The following PPCS variants were observed in gnomAD, a reference collection of about 807,000 sequenced individuals.
PPCS encodes the protein phosphopantothenoylcysteine synthetase.
In PPCS, 17 loss-of-function variants were observed where a neutral mutation model predicts 24.6. The ratio of observed to expected loss-of-function variants is 0.69; its 90% CI spans 0.47 to 1.04. The LOEUF (loss-of-function observed/expected upper bound fraction) is 1.04. Ranked by LOEUF, PPCS falls within the 50% of genes least tolerant of loss-of-function variation. PPCS has a pLI of 0.00. For missense variants in PPCS, 360 were observed against 402.8 expected (o/e 0.89, Z 0.91); for synonymous variants, 190 against 168.3 (o/e 1.13, Z -1.00).
downstream of PPCS, chr1:42,463,364 C>G (rs776534901): frequency 9.9e-5 from 15 of 152,202 alleles, no homozygotes; most frequent in Non-Finnish European, 1.9e-4. Context: ...GGGACGCTCG[C>G]GGCACCCTCC....
At chr1:42,471,877 AAT>A (rs939077020) in intron 2 of PPCS, among the ~76,000 whole-genome samples, 2 of 134,864 alleles carry the variant, frequency 1.5e-5, no homozygotes, top group Non-Finnish European at 3.2e-5. Context: ...AAATAATAAA[AAT>A]ATGGTTTTGC....
intron 2 of PPCS, among the ~76,000 whole-genome samples, chr1:42,457,893 T>C (rs1017589834): frequency 1.3e-5 from 2 of 148,872 alleles, no homozygotes; most frequent in African/African-American, 5.0e-5. Flanking sequence ...AGGCGGAGGT[T>C]GCAGTGAGCT....
At chr1:42,465,725 C>T (rs2148430607), downstream of PPCS, among the ~76,000 whole-genome samples, 1 of 152,242 alleles carries the variant, frequency 6.6e-6, no homozygotes, top group South Asian at 2.1e-4. Context: ...AGACATTTGG[C>T]AATGTACGTA....
downstream of PPCS, chr1:42,463,203 A>G (rs1643458537): frequency 6.6e-6 from 1 of 152,256 alleles, no homozygotes; most frequent in South Asian, 2.1e-4. Flanking sequence ...CACAAGAACC[A>G]CAGTCTCTGG....
intron 2 of PPCS, chr1:42,457,598 C>A: frequency 2.0e-6 from 1 of 506,898 alleles, no homozygotes; most frequent in Admixed American, 3.4e-5. Context: ...GATCATGGGG[C>A]GAGTGAATCC....
chr1:42,464,942 G>A (rs1290651543), downstream of PPCS, among the ~76,000 whole-genome samples: 1 of 152,016 alleles, frequency 6.6e-6, no homozygotes, highest in Admixed American at 6.6e-5. Flanking sequence ...AGAATAGATC[G>A]GAAAACAAAA....
intron 2 of PPCS, among the ~76,000 whole-genome samples, chr1:42,458,578 T>G (rs1643307724): frequency 6.6e-6 from 1 of 152,238 alleles, no homozygotes; most frequent in Non-Finnish European, 1.5e-5. Flanking sequence ...ATAACTCGTT[T>G]AGTAGTGATA....
At chr1:42,470,675 CATT>C (rs1469257294) in intron 2 of PPCS, among the ~76,000 whole-genome samples, 20 of 152,158 alleles carry the variant, frequency 1.3e-4, no homozygotes, top group Admixed American at 1.3e-3. Context: ...ATCTTGAAGA[CATT>C]ATGCTGCATG....
At chr1:42,461,817 T>C (rs971567592), downstream of PPCS, among the ~76,000 whole-genome samples, 5 of 152,148 alleles carry the variant, frequency 3.3e-5, no homozygotes, top group Non-Finnish European at 7.4e-5. Context: ...AGTGCTGGCA[T>C]TACAAGCGTG....
Position 42,457,353 on chromosome 1 carries a change from G to A in PPCS, c.612+3G>A, listed in dbSNP as rs779852717. On this transcript the variant is annotated splice_donor_region_variant and intron_variant, in intron 2 of 2. Coordinates refer to ENST00000372561, the MANE Select transcript of PPCS (RefSeq NM_024664.4). ...AGTCATCTGGGGGCCCACTGCAGGT[G>A]ATGGGCGCTTCTCTTCCAGAGATCT... The A allele has an allele frequency of 1.8e-5, 29 of 1,611,302 alleles. 1 individual carries two copies. The South Asian group carries it at 3.2e-4, about 18-fold the overall frequency.
Position 42,456,937 on chromosome 1 carries a change from AC to A in PPCS, c.373del (p.Leu125PhefsTer8). ...TGAGCCTGGAGGCCGAGGAGAATGC[AC>A]TTCCGGGTTTTGCTGAGGCTCTGAG... ...LLSLEAEENA[L>X]PGFAEALRSY... On this transcript the variant is annotated frameshift_variant, in exon 1 of 3. Coordinates refer to ENST00000372561, the MANE Select transcript of PPCS (RefSeq NM_024664.4). LOFTEE classifies it high-confidence loss of function. The A allele has an allele frequency of 6.2e-7, 1 of 1,607,660 alleles. No homozygotes were observed. Among genetic ancestry groups the A allele is most frequent in the Non-Finnish European group, 8.5e-7 (1 of 1,179,982 alleles).
rs1319721021 is a variant in PPCS, at chr1:42,456,830, G to T, written c.265G>T (p.Ala89Ser). ...GVLFLYRARS[A>S]FPYAHRFPPQ... The stretch of plus-strand genomic sequence containing the variant: ...CCTGTTCTTGTATCGCGCTCGCTCT[G>T]CCTTCCCCTATGCCCACCGCTTCCC... Residue 89 changes from alanine (A) to serine (S), a missense_variant, in exon 1 of 3, where the codon GCC becomes TCC. By Grantham distance (99) the Ala-to-Ser change is moderately conservative. Transcript: ENST00000372561. 4 of 1,613,312 alleles carry T rather than the reference G, an allele frequency of 2.5e-6. 1 individual carries two copies. The highest frequency in any genetic ancestry group is 2.7e-5 in the African/African-American group (2 of 74,946).
chr1:42,473,014 GACTAGTACTCTAATA>G (rs1643819614), intron 2 of PPCS: 1 of 1,023,466 alleles, frequency 9.8e-7, no homozygotes, highest in Non-Finnish European at 1.2e-6. Flanking sequence ...GTACCCTAAA[GACTAGTACTCTAATA>G]AGGAGACTAA....
chr1:42,470,377 G>A (rs561089323), intron 2 of PPCS, among the ~76,000 whole-genome samples: 1 of 152,062 alleles, frequency 6.6e-6, no homozygotes, highest in Admixed American at 6.5e-5. Context: ...ACGTAAAATG[G>A]TGCAGCTGCA....
intron 2 of PPCS, among the ~76,000 whole-genome samples, chr1:42,467,464 G>T (rs969353485): frequency 2.0e-5 from 3 of 152,212 alleles, no homozygotes; most frequent in Non-Finnish European, 4.4e-5. Context: ...AGAGTAGAAT[G>T]AATAGGAAGG....
chr1:42,470,795 C>T (rs1052460832), intron 2 of PPCS, among the ~76,000 whole-genome samples: 1 of 152,066 alleles, frequency 6.6e-6, no homozygotes, highest in Non-Finnish European at 1.5e-5. Context: ...TTCCCAGGGC[C>T]TGGGGGTGAG....
At position 42,456,581 on chromosome 1, in the gene PPCS, C is replaced by T. The variant is rs759381223; in HGVS notation, c.16C>T (p.Pro6Ser). 14 of 1,489,118 alleles carry T rather than the reference C, an allele frequency of 9.4e-6. No homozygotes were observed. In the Admixed American group the frequency reaches 2.8e-4, roughly 30 times the overall value. The allele number at this position is 1,489,118 out of a possible 1,614,324, so 92.2% of individuals were successfully genotyped here. A position where few individuals can be genotyped will look rare whatever the true frequency, so the allele number is the denominator to read the frequency against. The change falls in exon 1 of 3, where the codon CCG (proline) becomes TCG (serine). Residue 6 changes from proline (P) to serine (S), a missense_variant. This residue lies in a region of PPCS where 244 missense variants were observed against 234.7 expected (regional missense o/e 1.04). Coordinates refer to ENST00000372561, the MANE Select transcript of PPCS (RefSeq NM_024664.4). Reference protein sequence around the residue: MAEMDPVAEFPQPPGA... With the variant: MAEMDSVAEFPQPPGA... The stretch of plus-strand genomic sequence containing the variant: ...TGCGCTGCAGATGGCGGAAATGGAT[C>T]CGGTAGCCGAGTTCCCCCAGCCTCC...
chr1:42,461,550 CTTTTTT>C (rs34955190), downstream of PPCS, among the ~76,000 whole-genome samples: 1 of 140,590 alleles, frequency 7.1e-6, no homozygotes, highest in Non-Finnish European at 1.6e-5. Context: ...TACCCAGGCT[CTTTTTT>C]TTTTTTTTTG....
At chr1:42,465,610 C>CCG (rs760260490), downstream of PPCS, among the ~76,000 whole-genome samples, 5 of 152,260 alleles carry the variant, frequency 3.3e-5, no homozygotes, top group East Asian at 5.8e-4. Flanking sequence ...GGTGATCCGC[C>CCG]CACCTCAGCC....
Sources: gnomAD v4.1 joint callset for allele counts (sites outside exome capture counted in the v4.1 genomes callset) on GRCh38, gnomAD v4.1.1 for gene constraint, gnomAD v4.1.1 regional missense constraint, MANE v1.5 for transcripts, NCBI Gene and HGNC (gene_info 2026-07-23, HGNC 2026-07-21) for gene names.